Variants in MGA observed in about 807,000 individuals in gnomAD.
MGA encodes the protein MAX gene-associated protein.
A neutral mutation model predicts 261.1 loss-of-function variants in MGA; 40 were observed. The ratio of observed to expected loss-of-function variants is 0.15; its 90% CI spans 0.12 to 0.20. MGA has a LOEUF of 0.20. Ranked by LOEUF, MGA falls within the 10% of genes least tolerant of loss-of-function variation. The pLI is 1.00. For missense variants in MGA, 3,397 were observed against 3,630.5 expected (o/e 0.94, Z 1.65); for synonymous variants, 1,302 against 1,290.6 (o/e 1.01, Z -0.19).
intron 1 of MGA, among the ~76,000 whole-genome samples, chr15:41,644,617 C>G (rs1342120014): frequency 6.6e-6 from 1 of 151,986 alleles, no homozygotes; most frequent in Non-Finnish European, 1.5e-5. Flanking sequence ...CGAGACTGTA[C>G]CACTGCCCTC....
intron 7 of MGA, 96 bp downstream of exon 7, chr15:41,708,304 T>A: frequency 1.1e-6 from 1 of 897,062 alleles, no homozygotes; most frequent in Non-Finnish European, 1.7e-6. Context: ...TCATTCCTTC[T>A]CGCCATGGGT....
intron 1 of MGA, among the ~76,000 whole-genome samples, chr15:41,662,611 A>G (rs2057478417): frequency 6.6e-6 from 1 of 152,250 alleles, no homozygotes; most frequent in Admixed American, 6.5e-5. Flanking sequence ...CGATTAAGAA[A>G]GTATTAATAG....
At chr15:41,726,309 G>A (rs1275233119) in intron 9 of MGA, among the ~76,000 whole-genome samples, 1 of 152,192 alleles carries the variant, frequency 6.6e-6, no homozygotes, top group Non-Finnish European at 1.5e-5. Context: ...ACCTACCTCA[G>A]GAGTTGTTGG....
intron 17 of MGA, 106 bp downstream of exon 17, chr15:41,750,721 A>T (rs1275301476): frequency 4.8e-6 from 5 of 1,048,212 alleles, no homozygotes; most frequent in Non-Finnish European, 6.7e-6. Context: ...ATTTAATTGG[A>T]TGCCTAGGTT....
At chr15:41,629,732 A>G (rs2056547701) in intron 1 of MGA, among the ~76,000 whole-genome samples, 1 of 152,200 alleles carries the variant, frequency 6.6e-6, no homozygotes, top group African/African-American at 2.4e-5. Flanking sequence ...CTGTCTCAAA[A>G]AAACAAAACT....
At position 41,740,397 on chromosome 15, in the gene MGA, G is replaced by A. The variant is rs183002346; in HGVS notation, c.4585+194G>A. ...TAACCTGCAATATTAGATGAATTGA[G>A]TTGTTTTATAGTTAATTTCTTGGTT... On this transcript the variant is annotated intron_variant, in intron 14 of 23. Transcript: ENST00000219905. Among the ~76,000 whole-genome samples, 90 of 152,140 alleles carry A rather than the reference G, an allele frequency of 5.9e-4. No homozygotes were observed. In the East Asian group the frequency reaches 0.015, roughly 25 times the overall value.
Position 41,729,168 on chromosome 15 carries a change from G to A in MGA, c.3662G>A (p.Arg1221Gln), listed in dbSNP as rs772780139. The change falls in exon 11 of 24, where the codon CGG (arginine) becomes CAG (glutamine). Residue 1221 changes from arginine (R) to glutamine (Q), a missense_variant. Around this residue, in one of 9 missense-constraint regions of MGA, gnomAD observed 519 missense variants for 554.1 expected, o/e 0.94. Coordinates refer to ENST00000219905, the MANE Select transcript of MGA (RefSeq NM_001164273.2). Reference sequence around the variant, plus strand: ...TTTGTTGTATGAAATTTACAGATTCGGGAAGAGGACAAAGATCCAGTCTAC... The same window carrying A: ...TTTGTTGTATGAAATTTACAGATTCAGGAAGAGGACAAAGATCCAGTCTAC... The A allele has an allele frequency of 9.3e-6, 15 of 1,613,032 alleles. No homozygotes were observed. In the African/African-American group the frequency reaches 1.1e-4, roughly 11 times the overall value.
At chr15:41,710,338 T>A (rs1393917715) in intron 7 of MGA, among the ~76,000 whole-genome samples, 4 of 152,212 alleles carry the variant, frequency 2.6e-5, no homozygotes, top group African/African-American at 9.6e-5. Context: ...GATTTTAATG[T>A]CATTAATATC....
chr15:41,754,356 T>C, intron 17 of MGA, 81 bp from the exon 18 acceptor site: 1 of 1,377,584 alleles, frequency 7.3e-7, no homozygotes, highest in Non-Finnish European at 9.6e-7. Flanking sequence ...TAGTTGGTTT[T>C]ATAAGGGGAA....
At chr15:41,736,832 C>T in intron 13 of MGA, 134 bp downstream of exon 13, 1 of 1,058,260 alleles carries the variant, frequency 9.4e-7, no homozygotes, top group Non-Finnish European at 1.3e-6. Context: ...AAATTATTAT[C>T]TCTTTTTGTA....
rs752610687 is a variant in MGA, at chr15:41,742,659, A to C, written c.4699A>C (p.Lys1567Gln). The change falls in exon 15 of 24, where the codon AAG (lysine) becomes CAG (glutamine). Residue 1567 changes from lysine (K) to glutamine (Q), a missense_variant. Physicochemically the swap from Lys to Gln is moderately conservative, Grantham distance 53 (BLOSUM62 1). Transcript: ENST00000219905. Reference sequence around the variant, plus strand: ...ACCCCAAACCCTGGCAGGGACACAGAAGTTCAGTATCAGACCTTCTCCAGT... The same window carrying C: ...ACCCCAAACCCTGGCAGGGACACAGCAGTTCAGTATCAGACCTTCTCCAGT... 2.5e-6 allele frequency: 4 copies of C among 1,613,920 alleles called. No individual in the cohort carries two copies. The highest frequency in any genetic ancestry group is 3.4e-6 in the Non-Finnish European group (4 of 1,179,868).
chr15:41,702,912 T>G (rs192259626), intron 5 of MGA, among the ~76,000 whole-genome samples: 1 of 148,152 alleles, frequency 6.7e-6, no homozygotes, highest in East Asian at 2.0e-4. Context: ...ATAGAAAAAT[T>G]AAGAACACAG....
intron 19 of MGA, 118 bp downstream of exon 19, chr15:41,757,957 A>G: frequency 1.3e-6 from 1 of 764,590 alleles, no homozygotes; most frequent in Non-Finnish European, 2.2e-6. Context: ...TATTTTTGCC[A>G]GTGAGTTAAT....
In MGA at chr15:41,710,607, T is replaced by A. The variant is rs547068731; in HGVS notation, c.2426-84T>A. The A allele has an allele frequency of 2.4e-5, 31 of 1,315,056 alleles. No homozygotes were observed. The South Asian group carries it at 4.1e-4, about 18-fold the overall frequency. The allele number at this position is 1,315,056 out of a possible 1,614,324, so 81.5% of individuals were successfully genotyped here. ...AGATTCACTATCTTGTAGCTCAATATTCTTGGCCATTTTTAGTGTTTTTAT... is the reference window on the plus strand; with the variant it reads ...AGATTCACTATCTTGTAGCTCAATAATCTTGGCCATTTTTAGTGTTTTTAT... On this transcript the variant is annotated intron_variant, in intron 7 of 23. Transcript: ENST00000219905.
chr15:41,765,911 T>C (rs770402188), intron 23 of MGA, 93 bp from the exon 24 acceptor site: 2 of 1,046,930 alleles, frequency 1.9e-6, no homozygotes, highest in Non-Finnish European at 2.8e-6. Flanking sequence ...AGACTACAAA[T>C]CCCTAAGATG....
At chr15:41,707,074 T>G (rs533858599) in intron 5 of MGA, among the ~76,000 whole-genome samples, 50 of 152,260 alleles carry the variant, frequency 3.3e-4, no homozygotes, top group African/African-American at 1.1e-3. Flanking sequence ...TATGGTGAGT[T>G]TGTAATAGAG....
At chr15:41,754,670 C>A in intron 18 of MGA, 103 bp downstream of exon 18, 1 of 1,280,982 alleles carries the variant, frequency 7.8e-7, no homozygotes, top group South Asian at 1.9e-5. Flanking sequence ...CTGGTTCCTT[C>A]TTCCTCTAGC....
chr15:41,761,978 GA>G (rs2063484983), intron 21 of MGA, 128 bp downstream of exon 21: 8 of 997,928 alleles, frequency 8.0e-6, no homozygotes, highest in Non-Finnish European at 1.2e-5. Flanking sequence ...GTTATCCTTT[GA>G]CTGGGTGGTG....
At chr15:41,706,243 A>G (rs1249798280) in intron 5 of MGA, among the ~76,000 whole-genome samples, 1 of 106,962 alleles carries the variant, frequency 9.3e-6, no homozygotes, top group Non-Finnish European at 2.0e-5. Flanking sequence ...TCTCAAAAAA[A>G]AAAAAAAAAT....
Sources: gnomAD v4.1 joint callset for allele counts (sites outside exome capture counted in the v4.1 genomes callset) on GRCh38, gnomAD v4.1.1 for gene constraint, gnomAD v4.1.1 regional missense constraint, MANE v1.5 for transcripts, NCBI Gene and HGNC (gene_info 2026-07-23, HGNC 2026-07-21) for gene names.